Variants in CCDC57 observed in about 807,000 individuals in gnomAD.
The protein encoded by CCDC57 is coiled-coil domain-containing protein 57.
A neutral mutation model predicts 118.9 loss-of-function variants in CCDC57; 118 were observed. That is an observed-to-expected ratio of 0.99 (90% CI 0.86 to 1.16). The LOEUF (loss-of-function observed/expected upper bound fraction) is 1.16, where lower values mean the gene tolerates loss of function less well. Among genes scored for constraint, CCDC57 ranks in the 50% most tolerant of loss-of-function variants. The pLI is 0.00. For missense variants in CCDC57, 1,300 were observed against 1,320.7 expected (o/e 0.98, Z 0.24); for synonymous variants, 527 against 532.9 (o/e 0.99, Z 0.15).
At chr17:82,103,822 CCGGGG>C (rs1383805493) in intron 19 of CCDC57, among the ~76,000 whole-genome samples, 3 of 136,664 alleles carry the variant, frequency 2.2e-5, no homozygotes, top group Non-Finnish European at 4.8e-5. Context: ...GTCACAGTCC[CCGGGG>C]CAGGGAGGGG....
intron 1 of CCDC57, among the ~76,000 whole-genome samples, chr17:82,210,806 C>T (rs1244035863): frequency 6.6e-5 from 10 of 150,996 alleles, no homozygotes; most frequent in African/African-American, 2.2e-4. Flanking sequence ...CCAGCCTGGC[C>T]AACATGACGA....
At position 82,201,563 on chromosome 17, in the gene CCDC57, G is replaced by A. The variant is rs760951409; in HGVS notation, c.382C>T (p.Arg128Cys). 1.3e-5 allele frequency: 21 copies of A among 1,609,932 alleles called. No individual in the cohort carries two copies. Among genetic ancestry groups the A allele is most frequent in the East Asian group, 4.5e-5 (2 of 44,820 alleles). The change falls in exon 3 of 20, where the codon CGC becomes TGC. Residue 128 changes from arginine (R) to cysteine (C), a missense_variant. By Grantham distance (180) the Arg-to-Cys change is radical. Transcript: ENST00000665763. ...CTGTGGACGCGCTCCAGCTCCAGGC[G>A]ATGCTCCTGGAATGCCAGCTGCTGC...
intron 4 of CCDC57, among the ~76,000 whole-genome samples, chr17:82,196,118 A>G (rs1457067830): frequency 6.6e-6 from 1 of 152,058 alleles, no homozygotes; most frequent in Non-Finnish European, 1.5e-5. Flanking sequence ...GCCAACTACA[A>G]CCAGCCTCAA....
exon 3 of CCDC57, chr17:82,201,948 G>A (rs779991409): frequency 3.2e-6 from 5 of 1,586,576 alleles, no homozygotes; most frequent in Non-Finnish European, 4.3e-6. Context: ...GCAGCATGGT[G>A]GCCGCTGCAG....
chr17:82,161,283 C>T (rs2043297707), intron 14 of CCDC57, among the ~76,000 whole-genome samples: 1 of 152,136 alleles, frequency 6.6e-6, no homozygotes, highest in Non-Finnish European at 1.5e-5. Flanking sequence ...CTGGGGAAAA[C>T]AGTGCGGTGG....
chr17:82,177,499 G>A (rs553116661), intron 11 of CCDC57, among the ~76,000 whole-genome samples: 1 of 152,266 alleles, frequency 6.6e-6, no homozygotes, highest in African/African-American at 2.4e-5. Context: ...AGTGAGCTGA[G>A]ATTGCACCAT....
intron 9 of CCDC57, among the ~76,000 whole-genome samples, chr17:82,179,952 T>C (rs913962964): frequency 6.6e-6 from 1 of 152,124 alleles, no homozygotes; most frequent in African/African-American, 2.4e-5. Flanking sequence ...GGCCACACAC[T>C]GGGGGCAGAA....
At chr17:82,112,591 C>G (rs1297497212) in intron 19 of CCDC57, 2 of 152,454 alleles carry the variant, frequency 1.3e-5, no homozygotes, top group African/African-American at 4.8e-5. Flanking sequence ...TCTGCAGTTT[C>G]CTCCTTGCGG....
chr17:82,158,001 G>A (rs2042879110), intron 14 of CCDC57, 53 bp from the exon 14 acceptor site: 1 of 1,522,678 alleles, frequency 6.6e-7, no homozygotes, highest in Non-Finnish European at 8.8e-7. Context: ...CTGGGCTGGA[G>A]CAGGCCCCTG....
chr17:82,143,148 G>A lies in CCDC57; in HGVS notation c.2455+8412C>T, dbSNP rs1211614306. Among the ~76,000 whole-genome samples the A allele has an allele frequency of 5.3e-5, 6 of 112,278 alleles. No individual in the cohort carries two copies. The East Asian group carries it at 3.2e-3, about 59-fold the overall frequency. 73.7% of individuals were successfully genotyped at this position (112,278 alleles called of 152,430 possible). On this transcript the variant is annotated intron_variant, in intron 16 of 19. Transcript: ENST00000665763. Reference sequence around the variant, plus strand: ...ACAATGGCAACAAGAGTGAAACTCCGTCAAAAAAAAAAAAGCCCACAATGG... The same window carrying A: ...ACAATGGCAACAAGAGTGAAACTCCATCAAAAAAAAAAAAGCCCACAATGG...
chr17:82,188,445 C>T lies in CCDC57; in HGVS notation c.852-26G>A, dbSNP rs774287246. ...CTGAAACACAGTGAGTGTCCCATGG[C>T]GCTCACCCAGCCCCCAACACCCAGG... On this transcript the variant is annotated intron_variant, in intron 7 of 19. Transcript: ENST00000665763. 63 of 1,595,708 alleles carry T rather than the reference C, an allele frequency of 3.9e-5. No homozygotes were observed. In the East Asian group the frequency reaches 5.4e-4, roughly 14 times the overall value.
chr17:82,139,090 AAAT>A (rs930184804), intron 16 of CCDC57, among the ~76,000 whole-genome samples: 18 of 152,190 alleles, frequency 1.2e-4, no homozygotes, highest in Non-Finnish European at 2.4e-4. Context: ...ACTTATCTGT[AAAT>A]AATTTCCTCT....
chr17:82,172,511 G>A lies in CCDC57; in HGVS notation c.1729+127C>T. ...TTCATACTTTGAGTTTATTACAGGGGATGTTAACTTATAGGACTCTGAAAT... is the reference window on the plus strand; with the variant it reads ...TTCATACTTTGAGTTTATTACAGGGAATGTTAACTTATAGGACTCTGAAAT... On this transcript the variant is annotated intron_variant, in intron 12 of 19. Transcript: ENST00000665763. The surrounding 1 kb of genome is among the most constrained non-coding windows in gnomAD (Gnocchi z 5.2). The A allele has an allele frequency of 1.4e-6, 1 of 740,088 alleles. No homozygotes were observed. Among genetic ancestry groups the A allele is most frequent in the Non-Finnish European group, 2.3e-6 (1 of 437,270 alleles). The allele number at this position is 740,088 out of a possible 1,614,324, so 45.8% of individuals were successfully genotyped here.
intron 19 of CCDC57, among the ~76,000 whole-genome samples, chr17:82,102,785 T>C (rs902740862): frequency 6.6e-6 from 1 of 151,690 alleles, no homozygotes; most frequent in Non-Finnish European, 1.5e-5. Flanking sequence ...CTTAGGAGGC[T>C]GAGGCAGCGG....
At chr17:82,177,546 C>T (rs543415670) in intron 11 of CCDC57, among the ~76,000 whole-genome samples, 33 of 152,174 alleles carry the variant, frequency 2.2e-4, no homozygotes, top group Middle Eastern at 6.8e-3. Context: ...AGACCGAGAC[C>T]GTGTCTCAAA....
chr17:82,183,677 C>T (rs2046478263), intron 9 of CCDC57, 97 bp downstream of exon 8: 18 of 1,164,410 alleles, frequency 1.5e-5, no homozygotes, highest in Non-Finnish European at 2.0e-5. Flanking sequence ...AATGTGAGGC[C>T]AGGGACTCAA....
At chr17:82,113,872 G>T in intron 19 of CCDC57, 1 of 570,478 alleles carries the variant, frequency 1.8e-6, no homozygotes. Flanking sequence ...CTTGAGCCTG[G>T]AAAGTTGAGG....
At chr17:82,165,600 C>T (rs1398658873) in intron 13 of CCDC57, among the ~76,000 whole-genome samples, 1 of 152,142 alleles carries the variant, frequency 6.6e-6, no homozygotes, top group Non-Finnish European at 1.5e-5. Context: ...GCCCATGGTC[C>T]TGCAGCCTGC....
chr17:82,199,477 C>CAAAAAA (rs55713414), intron 3 of CCDC57, among the ~76,000 whole-genome samples: 2 of 87,718 alleles, frequency 2.3e-5, no homozygotes, highest in African/African-American at 4.5e-5. Flanking sequence ...GACTCTGTCT[C>CAAAAAA]AAAAAAAAAA....
Sources: allele counts gnomAD v4.1 joint callset (sites outside exome capture counted in the v4.1 genomes callset), GRCh38; gene constraint gnomAD v4.1.1; non-coding constraint Gnocchi (gnomAD v3.1); transcripts MANE v1.5; gene names NCBI Gene and HGNC (gene_info 2026-07-23, HGNC 2026-07-21).